MAF: variants seen among roughly 807,000 people sequenced by gnomAD.
MAF encodes MAF bZIP transcription factor.
MAF carries 10 observed loss-of-function variants against 22.0 expected under a neutral mutation model. That is an observed-to-expected ratio of 0.45 (90% CI 0.28 to 0.77). The LOEUF (loss-of-function observed/expected upper bound fraction) is 0.77, where lower values mean the gene tolerates loss of function less well. Ranked by LOEUF, MAF falls within the 30% of genes least tolerant of loss-of-function variation. MAF has a pLI of 0.12. For missense variants in MAF, 544 were observed against 548.4 expected, an observed-to-expected ratio of 0.99 and a Z score of 0.08; for synonymous variants, 337 against 255.8, an observed-to-expected ratio of 1.32 and a Z score of -3.03.
the MAF span, among the ~76,000 whole-genome samples, chr16:79,280,898 A>G: frequency 1.3e-5 from 2 of 152,212 alleles, no homozygotes; most frequent in Non-Finnish European, 2.9e-5. Flanking sequence ...GACTCTGAAG[A>G]TTTAGTTTCC....
the MAF span, among the ~76,000 whole-genome samples, chr16:79,552,551 T>C: frequency 2.7e-4 from 41 of 152,348 alleles, no homozygotes; most frequent in Non-Finnish European, 4.3e-4. Flanking sequence ...GAGAATTCTT[T>C]ATCTTTTCGT....
chr16:79,404,328 T>A, the MAF span, among the ~76,000 whole-genome samples: 1 of 152,090 alleles, frequency 6.6e-6, no homozygotes, highest in Non-Finnish European at 1.5e-5. Flanking sequence ...CACACCGTGC[T>A]AATTTTTGTA....
chr16:79,450,740 T>A, the MAF span, among the ~76,000 whole-genome samples: 1 of 151,588 alleles, frequency 6.6e-6, no homozygotes, highest in Non-Finnish European at 1.5e-5. Flanking sequence ...TGGAGAGTAA[T>A]CAGAATTGTG....
chr16:79,280,821 C>A, the MAF span, among the ~76,000 whole-genome samples: 2 of 152,212 alleles, frequency 1.3e-5, no homozygotes, highest in South Asian at 2.1e-4. Context: ...TCCTCAGGAA[C>A]TGCACCTAAG....
the MAF span, among the ~76,000 whole-genome samples, chr16:79,287,136 T>C: frequency 5.4e-5 from 7 of 128,796 alleles, no homozygotes; most frequent in Non-Finnish European, 1.2e-4. Context: ...TTTTTTTTTT[T>C]CCTTCAGCAA....
At chr16:79,256,661 G>A in the MAF span, among the ~76,000 whole-genome samples, 1 of 152,286 alleles carries the variant, frequency 6.6e-6, no homozygotes, top group African/African-American at 2.4e-5. Context: ...CCCGTTATAA[G>A]TGGACCATCC....
the MAF span, among the ~76,000 whole-genome samples, chr16:79,366,745 G>A: frequency 4.0e-4 from 61 of 152,312 alleles, no homozygotes; most frequent in Admixed American, 7.8e-4. Flanking sequence ...AGTGAGAAAC[G>A]TATGGTGCTA....
At chr16:79,482,683 G>A in the MAF span, among the ~76,000 whole-genome samples, 2 of 152,074 alleles carry the variant, frequency 1.3e-5, no homozygotes, top group Non-Finnish European at 2.9e-5. Flanking sequence ...CCCCAGGATG[G>A]GGTGGTGGCT....
the MAF span, among the ~76,000 whole-genome samples, chr16:79,327,679 C>T: frequency 8.5e-5 from 13 of 152,158 alleles, no homozygotes; most frequent in African/African-American, 1.4e-4. Context: ...TTTTGTTCAT[C>T]GTCATAATGT....
intron 1 of MAF, chr16:79,597,997 T>G (rs976610192): frequency 9.6e-7 from 1 of 1,038,606 alleles, no homozygotes; most frequent in Non-Finnish European, 1.2e-6. Flanking sequence ...GATGCAGGCT[T>G]GATTGTGGAA....
the MAF span, among the ~76,000 whole-genome samples, chr16:79,375,559 CA>C: frequency 6.6e-6 from 1 of 151,676 alleles, no homozygotes; most frequent in Non-Finnish European, 1.5e-5. Context: ...ATGACTGTGA[CA>C]ATGATGATGA....
the MAF span, among the ~76,000 whole-genome samples, chr16:79,374,557 T>G: frequency 6.6e-6 from 1 of 152,212 alleles, no homozygotes; most frequent in Non-Finnish European, 1.5e-5. Context: ...ATTTCCAAGT[T>G]ACAAAGCATC....
chr16:79,406,661 G>A, the MAF span, among the ~76,000 whole-genome samples: 2 of 152,162 alleles, frequency 1.3e-5, no homozygotes, highest in Non-Finnish European at 2.9e-5. Flanking sequence ...TCAACATATG[G>A]ATTTGTGGGG....
chr16:79,508,933 T>C, the MAF span, among the ~76,000 whole-genome samples: 3 of 152,192 alleles, frequency 2.0e-5, no homozygotes, highest in Non-Finnish European at 4.4e-5. Context: ...TTTGGAACTG[T>C]ATAGAGGTGA....
downstream of MAF, among the ~76,000 whole-genome samples, chr16:79,590,625 C>A (rs1425182658): frequency 5.3e-5 from 8 of 152,150 alleles, no homozygotes; most frequent in South Asian, 1.7e-3. Context: ...ACTGTTGTTT[C>A]TAGGACTCTG....
the MAF span, among the ~76,000 whole-genome samples, chr16:79,539,453 G>A: frequency 1.4e-4 from 22 of 152,122 alleles, no homozygotes; most frequent in African/African-American, 5.3e-4. Context: ...GCAGTGAGCC[G>A]AGATCGCGCC....
At chr16:79,483,793 C>A in the MAF span, among the ~76,000 whole-genome samples, 8 of 152,198 alleles carry the variant, frequency 5.3e-5, no homozygotes, top group Middle Eastern at 3.4e-3. Flanking sequence ...CTTTGAGACC[C>A]TGAGAAAGAA....
the MAF span, among the ~76,000 whole-genome samples, chr16:79,475,568 A>C: frequency 6.6e-6 from 1 of 152,270 alleles, no homozygotes; most frequent in Admixed American, 6.5e-5. Context: ...GGCTCTGAGT[A>C]GGAAGGAACA....
the MAF span, among the ~76,000 whole-genome samples, chr16:79,302,441 G>A: frequency 6.6e-6 from 1 of 152,220 alleles, no homozygotes; most frequent in East Asian, 1.9e-4. Flanking sequence ...AATACCTTGT[G>A]CCAGAATCAG....
Sources: gnomAD v4.1 joint callset for allele counts (sites outside exome capture counted in the v4.1 genomes callset) on GRCh38, gnomAD v4.1.1 for gene constraint, MANE v1.5 for transcripts, NCBI Gene and HGNC (gene_info 2026-07-23, HGNC 2026-07-21) for gene names.